Variants in ZBTB10 observed in about 807,000 individuals in gnomAD.
The protein encoded by ZBTB10 is zinc finger and BTB domain-containing protein 10.
In ZBTB10, 32 loss-of-function variants were observed where a neutral mutation model predicts 76.4. The observed-to-expected ratio is 0.42, with a 90% CI of 0.32 to 0.56. The LOEUF (loss-of-function observed/expected upper bound fraction) is 0.56, where lower values mean the gene tolerates loss of function less well. Among genes scored for constraint, ZBTB10 ranks in the 20% least tolerant of loss-of-function variants. ZBTB10 has a pLI of 0.14. For missense variants in ZBTB10, 1,057 were observed against 1,098.5 expected (o/e 0.96, Z 0.53); for synonymous variants, 523 against 432.9 (o/e 1.21, Z -2.58).
At chr8:80,511,239 A>G (rs1003955379) in intron 2 of ZBTB10, among the ~76,000 whole-genome samples, 85 of 152,224 alleles carry the variant, frequency 5.6e-4, no homozygotes, top group African/African-American at 2.0e-3. Flanking sequence ...CTTGTTGTCC[A>G]TGTAGAATTA....
chr8:80,489,441 G>A (rs1348365105), intron 1 of ZBTB10, among the ~76,000 whole-genome samples: 1 of 152,172 alleles, frequency 6.6e-6, no homozygotes, highest in East Asian at 1.9e-4. Context: ...GGCTATGTTG[G>A]TTACTTAGAA....
chr8:80,509,998 A>G (rs1413082621), intron 2 of ZBTB10, among the ~76,000 whole-genome samples: 6 of 152,182 alleles, frequency 3.9e-5, no homozygotes, highest in Admixed American at 6.5e-5. Flanking sequence ...AATGCAATAC[A>G]TGGTTAATTA....
chr8:80,492,154 C>T (rs1483577065), intron 1 of ZBTB10, among the ~76,000 whole-genome samples: 2 of 152,128 alleles, frequency 1.3e-5, no homozygotes, highest in South Asian at 2.1e-4. Flanking sequence ...CCATTAAATT[C>T]CGTTGTTTCT....
Position 80,500,136 on chromosome 8 carries a change from G to T in ZBTB10, c.1615G>T (p.Val539Phe). The T allele has an allele frequency of 6.2e-7, 1 of 1,613,820 alleles. No individual in the cohort carries two copies. The highest frequency in any genetic ancestry group is 1.3e-5 in the African/African-American group (1 of 75,032). The change falls in exon 2 of 6, where the codon GTC becomes TTC. Residue 539 changes from valine to phenylalanine, a missense_variant. Physicochemically the swap from Val to Phe is conservative, Grantham distance 50. Coordinates refer to ENST00000455036, the MANE Select transcript of ZBTB10 (RefSeq NM_001105539.3). ...ENYQMNDSSW[V>F]QDGSPEMAEN... ...CTACCAAATGAATGACAGTAGTTGG[G>T]TCCAGGATGGATCTCCTGAAATGGC...
chr8:80,487,619 T>G lies in ZBTB10; in HGVS notation c.809T>G (p.Met270Arg). ...CGCTATTCCAAGGATACTGGTCTTA[T>G]GTCTTGCGGCTGGTGCCAAAAGACC... ...WLRYSKDTGL[M>R]SCGWCQKTPA... The change falls in exon 1 of 6, where the codon ATG becomes AGG. Residue 270 changes from methionine to arginine, a missense_variant. This residue lies in a region of ZBTB10 where 556 missense variants were observed against 451.7 expected (regional missense o/e 1.23). Coordinates refer to ENST00000455036, the MANE Select transcript of ZBTB10 (RefSeq NM_001105539.3). The G allele has an allele frequency of 6.2e-7, 1 of 1,613,932 alleles. No homozygotes were observed. Among genetic ancestry groups the G allele is most frequent in the Non-Finnish European group, 8.5e-7 (1 of 1,179,860 alleles).
intron 1 of ZBTB10, among the ~76,000 whole-genome samples, chr8:80,493,197 GCGCGCGCGCGCACACACA>G (rs1585839400): frequency 1.8e-5 from 2 of 108,804 alleles, no homozygotes; most frequent in East Asian, 4.9e-4. Flanking sequence ...CTCAAAACGC[GCGCGCGCGCGCACACACA>G]CACACACACA....
intron 2 of ZBTB10, among the ~76,000 whole-genome samples, chr8:80,509,713 T>C (rs1816143346): frequency 6.6e-6 from 1 of 152,244 alleles, no homozygotes; most frequent in Non-Finnish European, 1.5e-5. Flanking sequence ...GACTGAGATT[T>C]AGACCAGTCT....
intron 2 of ZBTB10, among the ~76,000 whole-genome samples, chr8:80,506,838 G>A (rs1816069628): frequency 6.6e-6 from 1 of 151,806 alleles, no homozygotes; most frequent in South Asian, 2.1e-4. Context: ...GAGATTCCGA[G>A]TGTTTTGCTA....
At chr8:80,516,588 A>C (rs558793815) in intron 3 of ZBTB10, among the ~76,000 whole-genome samples, 15 of 152,354 alleles carry the variant, frequency 9.8e-5, no homozygotes, top group Non-Finnish European at 2.1e-4. Flanking sequence ...ACTTACTCCC[A>C]AACACTAATT....
At chr8:80,502,875 T>C (rs990400711) in intron 2 of ZBTB10, among the ~76,000 whole-genome samples, 5 of 152,206 alleles carry the variant, frequency 3.3e-5, no homozygotes, top group African/African-American at 1.2e-4. Context: ...TGCCAACCCT[T>C]CGTATATAGC....
In ZBTB10 at chr8:80,487,470, C is replaced by G; in HGVS notation, c.660C>G (p.Gly220=). 1 of 1,551,478 alleles carries G rather than the reference C, an allele frequency of 6.4e-7. No homozygotes were observed. The highest frequency in any genetic ancestry group is 8.7e-7 in the Non-Finnish European group (1 of 1,146,810). The change falls in exon 1 of 6, where the codon GGC becomes GGG. Residue 220 remains glycine, a synonymous_variant. Coordinates refer to ENST00000455036, the MANE Select transcript of ZBTB10 (RefSeq NM_001105539.3). ...SGGDGGDEVE[G]SGVGAGEGET... ...GCGATGGCGGGGACGAAGTGGAGGG[C>G]AGCGGTGTGGGAGCTGGCGAAGGAG...
chr8:80,517,849 G>GTT (rs11395727), intron 3 of ZBTB10, among the ~76,000 whole-genome samples: 1 of 102,298 alleles, frequency 9.8e-6, no homozygotes, highest in African/African-American at 3.5e-5. Flanking sequence ...TGATATTCAT[G>GTT]TTTTTTTCTC....
rs898149699 is a variant in ZBTB10, at chr8:80,522,238, CTTAT to C, written c.*2711_*2714del. Reference sequence around the variant, plus strand: ...TCAGGAAGTTGATAGATACTAAGAACTTATGATTGGTCTCAGAGGTAACAATGAA... The same window carrying C: ...TCAGGAAGTTGATAGATACTAAGAACGATTGGTCTCAGAGGTAACAATGAA... On this transcript the variant is annotated 3_prime_UTR_variant, in exon 6 of 6. Transcript: ENST00000455036. 6.6e-6 allele frequency: 1 copy of C among 151,802 alleles called. No homozygotes were observed. Among genetic ancestry groups the C allele is most frequent in the Non-Finnish European group, 1.5e-5 (1 of 67,810 alleles). The allele number at this position is 151,802 out of a possible 1,614,324, so 9.4% of individuals were successfully genotyped here.
chr8:80,499,720 G>A lies in ZBTB10; in HGVS notation c.1199G>A (p.Ser400Asn). ...KTLYCFSNKE[S>N]PNQNNTTHLD... ...TTATATTGCTTTTCAAACAAAGAAA[G>A]CCCTAACCAAAACAATACTACCCAC... Residue 400 changes from serine (S) to asparagine (N), a missense_variant, in exon 2 of 6, where the codon AGC (serine) becomes AAC (asparagine). By Grantham distance (46) the Ser-to-Asn change is conservative (BLOSUM62 1). Coordinates refer to ENST00000455036, the MANE Select transcript of ZBTB10 (RefSeq NM_001105539.3). The A allele has an allele frequency of 6.2e-7, 1 of 1,613,940 alleles. No individual in the cohort carries two copies. Among genetic ancestry groups the A allele is most frequent in the Non-Finnish European group, 8.5e-7 (1 of 1,179,854 alleles).
At chr8:80,490,296 C>T (rs1034050517) in intron 1 of ZBTB10, among the ~76,000 whole-genome samples, 5 of 152,128 alleles carry the variant, frequency 3.3e-5, no homozygotes, top group Non-Finnish European at 7.4e-5. Flanking sequence ...GACTCTATTG[C>T]CCAGGCTGGA....
Position 80,519,415 on chromosome 8 carries a change from G to C in ZBTB10, c.2503G>C (p.Glu835Gln), listed in dbSNP as rs10093068. Residue 835 changes from glutamate (E) to glutamine (Q), a missense_variant, in exon 6 of 6, where the codon GAG (glutamate) becomes CAG (glutamine). Glu to Gln is a conservative substitution (Grantham distance 29, BLOSUM62 2). This residue lies in a region of ZBTB10 where 55 missense variants were observed against 65.5 expected (regional missense o/e 0.84). Transcript: ENST00000455036. ...DTEFPRDEEYEENEVGEADEE... is the reference protein window; with the variant it reads ...DTEFPRDEEYQENEVGEADEE... ...AGAATTCCCTCGGGATGAAGAATAC[G>C]AGGAGAATGAAGTAGGAGAAGCTGA... 1 of 1,612,602 alleles carries C rather than the reference G, an allele frequency of 6.2e-7. No homozygotes were observed. Among genetic ancestry groups the C allele is most frequent in the Non-Finnish European group, 8.5e-7 (1 of 1,179,428 alleles).
chr8:80,505,855 G>A (rs572204139), intron 2 of ZBTB10, among the ~76,000 whole-genome samples: 14 of 150,708 alleles, frequency 9.3e-5, no homozygotes, highest in South Asian at 2.1e-4. Context: ...TCACTCTCCC[G>A]CAATCAGCCA....
intron 1 of ZBTB10, among the ~76,000 whole-genome samples, chr8:80,496,377 T>C (rs1364997322): frequency 6.6e-6 from 1 of 151,426 alleles, no homozygotes; most frequent in Admixed American, 6.6e-5. Context: ...TTCTTTTTTT[T>C]TTTTTTTTGA....
In ZBTB10 at chr8:80,486,947, AGCCCCCGCCGCCAGCGCC is replaced by A. The variant is rs1423932480; in HGVS notation, c.142_159del (p.Pro48_Pro53del). ...TGGCCTCCGCAGCCCCAGCCGAGAC[AGCCCCCGCCGCCAGCGCC>A]GCCCGCGCTTCAGCCGCCTAATGGG... On this transcript the variant is annotated inframe_deletion, in exon 1 of 6. Transcript: ENST00000455036. 3 of 1,512,920 alleles carry A rather than the reference AGCCCCCGCCGCCAGCGCC, an allele frequency of 2.0e-6. No individual in the cohort carries two copies. The African/African-American group carries it at 4.3e-5, about 22-fold the overall frequency. The allele number at this position is 1,512,920 out of a possible 1,614,324, so 93.7% of individuals were successfully genotyped here. A position where few individuals can be genotyped will look rare whatever the true frequency, so the allele number is the denominator to read the frequency against.
Sources: gnomAD v4.1 joint callset for allele counts (sites outside exome capture counted in the v4.1 genomes callset) on GRCh38, gnomAD v4.1.1 for gene constraint, gnomAD v4.1.1 regional missense constraint, MANE v1.5 for transcripts, NCBI Gene and HGNC (gene_info 2026-07-23, HGNC 2026-07-21) for gene names.